Variants in ECT2 observed in about 807,000 individuals in gnomAD.
The protein encoded by ECT2 is epithelial cell transforming 2, also known as protein ECT2.
Under a neutral mutation model 116.9 loss-of-function variants are expected in ECT2, and 61 were observed. The ratio of observed to expected loss-of-function variants is 0.52; its 90% CI spans 0.42 to 0.65. The LOEUF is 0.65. ECT2 is among the 30% of genes least tolerant of loss of function. ECT2 has a pLI of 0.00. For missense variants in ECT2, 937 were observed against 1,078.7 expected, an observed-to-expected ratio of 0.87 and a Z score of 1.84; for synonymous variants, 358 against 346.4, an observed-to-expected ratio of 1.03 and a Z score of -0.37.
chr3:172,772,912 G>C (rs1720915953), intron 13 of ECT2, among the ~76,000 whole-genome samples: 1 of 152,084 alleles, frequency 6.6e-6, no homozygotes, highest in African/African-American at 2.4e-5. Flanking sequence ...AAAATTACTT[G>C]ACCATATTTG....
chr3:172,805,790 AC>A lies in ECT2; in HGVS notation c.2171del (p.Pro724GlnfsTer9), dbSNP rs1727574481. 6.2e-7 allele frequency: 1 copy of A among 1,613,688 alleles called. No homozygotes were observed. The highest frequency in any genetic ancestry group is 8.5e-7 in the Non-Finnish European group (1 of 1,179,826). On this transcript the variant is annotated frameshift_variant, in exon 21 of 25. Coordinates refer to ENST00000392692, the MANE Select transcript of ECT2 (RefSeq NM_001258315.2). LOFTEE classifies it high-confidence loss of function. ...TTAGGAGTCCTCATGGCCAAACCCGACCCCCAGCTTCTCTTAAGCATATTCA... is the reference window on the plus strand; with the variant it reads ...TTAGGAGTCCTCATGGCCAAACCCGACCCCAGCTTCTCTTAAGCATATTCA... The part of the protein sequence containing the change: ...TFRSPHGQTR[P>X]PASLKHIHLM...
intron 24 of ECT2, among the ~76,000 whole-genome samples, chr3:172,819,304 C>G (rs942018735): frequency 6.6e-6 from 1 of 151,920 alleles, no homozygotes; most frequent in Non-Finnish European, 1.5e-5. Flanking sequence ...TTACAGTTAG[C>G]CATTTATATA....
chr3:172,810,177 A>G (rs1288073677), intron 22 of ECT2, among the ~76,000 whole-genome samples: 1 of 152,218 alleles, frequency 6.6e-6, no homozygotes, highest in Non-Finnish European at 1.5e-5. Context: ...AGTAAATTTA[A>G]GCAACGATAA....
chr3:172,756,468 A>G (rs1292295907), intron 4 of ECT2, among the ~76,000 whole-genome samples: 1 of 152,118 alleles, frequency 6.6e-6, no homozygotes. Flanking sequence ...TATATCTTAC[A>G]TATCTGCTAA....
At chr3:172,772,167 A>AC (rs962786248) in intron 13 of ECT2, among the ~76,000 whole-genome samples, 4 of 151,610 alleles carry the variant, frequency 2.6e-5, no homozygotes, top group African/African-American at 9.7e-5. Flanking sequence ...CACCCAGCTC[A>AC]TTTTTGTATC....
chr3:172,754,108 TTAGGATAGA>T (rs1716469037), intron 1 of ECT2, among the ~76,000 whole-genome samples: 1 of 151,992 alleles, frequency 6.6e-6, no homozygotes, highest in South Asian at 2.1e-4. Flanking sequence ...GAGGAAAAAA[TTAGGATAGA>T]TCTCAGATTT....
chr3:172,798,646 C>T (rs1467670091), intron 18 of ECT2, among the ~76,000 whole-genome samples: 1 of 152,122 alleles, frequency 6.6e-6, no homozygotes. Context: ...AAGAAAATCT[C>T]TCTCAAGCTA....
At chr3:172,827,568 A>C in the ECT2 span, among the ~76,000 whole-genome samples, 2 of 152,222 alleles carry the variant, frequency 1.3e-5, no homozygotes, top group Non-Finnish European at 2.9e-5. Context: ...GTGGGAGCTG[A>C]AAATTAAAAG....
intron 18 of ECT2, 84 bp from the exon 19 acceptor site, chr3:172,802,532 A>G (rs1726907296): frequency 1.2e-6 from 1 of 836,098 alleles, no homozygotes; most frequent in African/African-American, 1.8e-5. Context: ...AGACATTCAC[A>G]TCAAACACAA....
chr3:172,790,290 G>T (rs1241462313), intron 18 of ECT2, among the ~76,000 whole-genome samples: 1 of 152,148 alleles, frequency 6.6e-6, no homozygotes, highest in Non-Finnish European at 1.5e-5. Flanking sequence ...ATTGGCTGAT[G>T]CCCTCTAATG....
At chr3:172,800,516 T>A (rs1212179923) in intron 18 of ECT2, among the ~76,000 whole-genome samples, 2 of 152,212 alleles carry the variant, frequency 1.3e-5, no homozygotes, top group African/African-American at 4.8e-5. Flanking sequence ...TTGGTCAGTA[T>A]GTATGCCCTG....
chr3:172,809,735 T>C (rs1050202781), intron 22 of ECT2, among the ~76,000 whole-genome samples: 1 of 152,092 alleles, frequency 6.6e-6, no homozygotes, highest in Non-Finnish European at 1.5e-5. Flanking sequence ...ATTAAAAGAG[T>C]AAAATAAGCA....
rs1378865642 is a variant in ECT2, at chr3:172,818,694, A to G, written c.2656-1454A>G. 19 of 1,289,036 alleles carry G rather than the reference A, an allele frequency of 1.5e-5. No individual in the cohort carries two copies. The East Asian group carries it at 2.2e-4, about 15-fold the overall frequency. The allele number at this position is 1,289,036 out of a possible 1,614,324, so 79.8% of individuals were successfully genotyped here. A position where few individuals can be genotyped will look rare whatever the true frequency, so the allele number is the denominator to read the frequency against. The stretch of plus-strand genomic sequence containing the variant: ...CTTTCCGAGCTAGTTTTTCAGAGAT[A>G]CTAGAAGGAAATACTGATTTTTCAA... On this transcript the variant is annotated intron_variant, in intron 24 of 24. Transcript: ENST00000392692.
Position 172,760,712 on chromosome 3 carries a change from C to CTTTT in ECT2, c.684+472_684+475dup, listed in dbSNP as rs60727631. The stretch of plus-strand genomic sequence containing the variant: ...AGGGAATTTACTCTTGTCTAAGTGC[C>CTTTT]TTTTTTTTTTTTTTTTTTTTTTTTT... On this transcript the variant is annotated intron_variant, in intron 7 of 24. Transcript: ENST00000392692. Among the ~76,000 whole-genome samples, 31 of 76,212 alleles carry CTTTT rather than the reference C, an allele frequency of 4.1e-4. 4 individuals are homozygous for CTTTT. The highest frequency in any genetic ancestry group is 1.3e-3 in the African/African-American group (19 of 15,198). The allele number at this position is 76,212 out of a possible 152,430, so 50.0% of individuals were successfully genotyped here. A position where few individuals can be genotyped will look rare whatever the true frequency, so the allele number is the denominator to read the frequency against.
chr3:172,828,960 C>T, the ECT2 span: 1 of 1,382,366 alleles, frequency 7.2e-7, no homozygotes, highest in Non-Finnish European at 1.0e-6. Context: ...GCTGCCTCAG[C>T]ACCAATAAAT....
At chr3:172,806,425 A>C (rs766243895) in intron 21 of ECT2, among the ~76,000 whole-genome samples, 5 of 152,162 alleles carry the variant, frequency 3.3e-5, no homozygotes, top group Non-Finnish European at 7.4e-5. Flanking sequence ...TGAAGGCCTG[A>C]AATTGCTGAA....
chr3:172,825,433 G>A (rs914588437), downstream of ECT2, among the ~76,000 whole-genome samples: 1 of 152,164 alleles, frequency 6.6e-6, no homozygotes, highest in Non-Finnish European at 1.5e-5. Flanking sequence ...TAGACTGAAA[G>A]CAAGGCCCCT....
chr3:172,772,128 GCAC>G (rs1193111502), intron 13 of ECT2, among the ~76,000 whole-genome samples: 79 of 152,062 alleles, frequency 5.2e-4, no homozygotes, highest in African/African-American at 1.8e-3. Context: ...AGCCTCCCGA[GCAC>G]TTGGGACTAC....
At chr3:172,753,633 T>A (rs74623769) in intron 1 of ECT2, among the ~76,000 whole-genome samples, 1,572 of 152,164 alleles carry the variant, frequency 0.01, 34 homozygotes, top group African/African-American at 0.036. Flanking sequence ...AGAGGATGAG[T>A]CAAGAGTGTT....
Sources: gnomAD v4.1 joint callset for allele counts (sites outside exome capture counted in the v4.1 genomes callset) on GRCh38, gnomAD v4.1.1 for gene constraint, MANE v1.5 for transcripts, NCBI Gene and HGNC (gene_info 2026-07-23, HGNC 2026-07-21) for gene names.